The following NFS1 variants were observed in gnomAD, a reference collection of about 807,000 sequenced individuals.
NFS1 encodes cysteine desulfurase.
In NFS1, 26 loss-of-function variants were observed where a neutral mutation model predicts 57.3. The ratio of observed to expected loss-of-function variants is 0.45; its 90% CI spans 0.33 to 0.63. The LOEUF (loss-of-function observed/expected upper bound fraction) is 0.63, where lower values mean the gene tolerates loss of function less well. Among genes scored for constraint, NFS1 ranks in the 20% least tolerant of loss-of-function variants. NFS1 has a pLI of 0.02. For missense variants in NFS1, 505 were observed against 605.8 expected, an observed-to-expected ratio of 0.83 and a Z score of 1.75; for synonymous variants, 209 against 216.3, an observed-to-expected ratio of 0.97 and a Z score of 0.30.
chr20:35,677,943 G>A (rs539229344), intron 7 of NFS1, among the ~76,000 whole-genome samples: 3 of 151,820 alleles, frequency 2.0e-5, no homozygotes, highest in South Asian at 2.1e-4. Context: ...GGCCGGGCAC[G>A]GGATTACGCC....
rs191443355 is a variant in NFS1, at chr20:35,671,981, C to T, written c.1310+774G>A. 1.7e-3 allele frequency among the ~76,000 whole-genome samples: 255 copies of T among 151,974 alleles called. 1 individual carries two copies. Among genetic ancestry groups the T allele is most frequent in the Non-Finnish European group, 9.6e-4 (65 of 67,992 alleles). On this transcript the variant is annotated intron_variant, in intron 12 of 12. Transcript: ENST00000374092. ...TGTTTTTGTTTTTGTTTTCTTGAGACGGAGTCTCACTCTGTCACCCAGGCT... is the reference window on the plus strand; with the variant it reads ...TGTTTTTGTTTTTGTTTTCTTGAGATGGAGTCTCACTCTGTCACCCAGGCT...
chr20:35,686,245 A>C (rs933057409), intron 5 of NFS1, among the ~76,000 whole-genome samples: 8 of 149,614 alleles, frequency 5.3e-5, no homozygotes. Context: ...AGCTACTCAG[A>C]AGGCTGAGGC....
intron 5 of NFS1, among the ~76,000 whole-genome samples, chr20:35,687,159 C>G (rs2034959199): frequency 6.6e-6 from 1 of 152,154 alleles, no homozygotes; most frequent in Admixed American, 6.5e-5. Flanking sequence ...GGGAATCCCC[C>G]TTTCCCCGGG....
intron 5 of NFS1, among the ~76,000 whole-genome samples, chr20:35,688,510 T>C (rs979253619): frequency 1.8e-4 from 27 of 152,044 alleles, no homozygotes; most frequent in Non-Finnish European, 1.2e-4. Context: ...TGAGCCAAGA[T>C]CGTGCCACTG....
intron 4 of NFS1, chr20:35,692,449 C>T (rs1473669412): frequency 6.6e-6 from 1 of 150,854 alleles, no homozygotes; most frequent in Non-Finnish European, 1.4e-5. Context: ...CCTATAATCC[C>T]ACCACTTTGG....
intron 2 of NFS1, among the ~76,000 whole-genome samples, 171 bp from the exon 3 acceptor site, chr20:35,697,971 C>T (rs550779408): frequency 2.7e-4 from 41 of 152,164 alleles, no homozygotes; most frequent in Non-Finnish European, 5.1e-4. Flanking sequence ...CAAATATCAA[C>T]CTAATACACT....
rs768296304 is a variant in NFS1 at position 35,696,369 on chromosome 20, T to C, written c.408+8A>G. On this transcript the variant is annotated splice_region_variant and intron_variant, in intron 4 of 12. Transcript: ENST00000374092. ...GCCCACATACACCCTCTGGTTCCCTTCTCTTACCTTAATTGCTATGTTGTT... is the reference window on the plus strand; with the variant it reads ...GCCCACATACACCCTCTGGTTCCCTCCTCTTACCTTAATTGCTATGTTGTT... The C allele has an allele frequency of 8.7e-6, 14 of 1,602,998 alleles. No homozygotes were observed. The Admixed American group carries it at 1.8e-4, about 21-fold the overall frequency.
At chr20:35,678,790 T>C (rs1016188992) in intron 7 of NFS1, among the ~76,000 whole-genome samples, 1 of 150,946 alleles carries the variant, frequency 6.6e-6, no homozygotes, top group Admixed American at 6.6e-5. Context: ...GCCCAGGAGA[T>C]TGAAGCTGTG....
At chr20:35,683,790 C>CAAAAAAAAAAAAA (rs151037025) in intron 5 of NFS1, among the ~76,000 whole-genome samples, 1 of 54,026 alleles carries the variant, frequency 1.9e-5, no homozygotes, top group Non-Finnish European at 3.8e-5. Context: ...GACTCCATCT[C>CAAAAAAAAAAAAA]AAAAAAAAAA....
At chr20:35,698,271 G>A (rs2035174979) in intron 2 of NFS1, among the ~76,000 whole-genome samples, 1 of 152,256 alleles carries the variant, frequency 6.6e-6, no homozygotes, top group African/African-American at 2.4e-5. Flanking sequence ...TATAGAGCCT[G>A]CGCTGAAGTG....
intron 4 of NFS1, among the ~76,000 whole-genome samples, chr20:35,691,733 C>T (rs1235594328): frequency 1.3e-5 from 1 of 77,936 alleles, no homozygotes; most frequent in East Asian, 4.2e-4. Context: ...AGCGAGACTG[C>T]ATCTCAAAAA....
chr20:35,679,377 G>A (rs1441506813), intron 7 of NFS1, among the ~76,000 whole-genome samples: 1 of 151,954 alleles, frequency 6.6e-6, no homozygotes, highest in African/African-American at 2.4e-5. Context: ...AGAGACGGGG[G>A]TTCACCATGT....
At chr20:35,673,479 G>A (rs954793614) in intron 11 of NFS1, 122 bp downstream of exon 11, 2 of 740,962 alleles carry the variant, frequency 2.7e-6, no homozygotes, top group Non-Finnish European at 2.3e-6. Flanking sequence ...ACAAGGTTAT[G>A]AGAAGAGATA....
At chr20:35,687,183 G>T (rs1415835397) in intron 5 of NFS1, among the ~76,000 whole-genome samples, 1 of 152,116 alleles carries the variant, frequency 6.6e-6, no homozygotes, top group Non-Finnish European at 1.5e-5. Flanking sequence ...GTTTAGAGAA[G>T]ACTCTACTCC....
chr20:35,696,526 G>A lies in NFS1; in HGVS notation c.325-66C>T. On this transcript the variant is annotated intron_variant, in intron 3 of 12. Transcript: ENST00000374092. The stretch of plus-strand genomic sequence containing the variant: ...AGGCAGAAATAGAGCTGCAGACACA[G>A]GTGGGACAGCCCTGGAGCAAGAAGA... 8.0e-6 allele frequency: 10 copies of A among 1,243,250 alleles called. 1 individual carries two copies. 77.0% of individuals were successfully genotyped at this position (1,243,250 alleles called of 1,614,324 possible). A position where few individuals can be genotyped will look rare whatever the true frequency, so the allele number is the denominator to read the frequency against.
intron 6 of NFS1, among the ~76,000 whole-genome samples, chr20:35,681,145 A>G (rs1300028416): frequency 2.0e-5 from 3 of 152,012 alleles, no homozygotes; most frequent in African/African-American, 7.3e-5. Flanking sequence ...TTATGCATAC[A>G]ATTCTCACCA....
Position 35,680,821 on chromosome 20 carries a change from C to T in NFS1, c.706G>A (p.Ala236Thr). 6.3e-7 allele frequency: 1 copy of T among 1,582,428 alleles called. No individual in the cohort carries two copies. Among genetic ancestry groups the T allele is most frequent in the South Asian group, 1.2e-5 (1 of 84,240 alleles). ...KVYFHTDAAQ[A>T]VGKIPLDVND... is the part of the protein sequence containing the mutation. Reference sequence around the variant, plus strand: ...ACATCAAGTGGGATTTTTCCAACAGCCTGGGCTGCATCAGTATGGAAATAT... The same window carrying T: ...ACATCAAGTGGGATTTTTCCAACAGTCTGGGCTGCATCAGTATGGAAATAT... Residue 236 changes from alanine to threonine, a missense_variant, in exon 7 of 13, where the codon GCT becomes ACT. Ala to Thr is a moderately conservative substitution (Grantham distance 58, BLOSUM62 0). Coordinates refer to ENST00000374092, the MANE Select transcript of NFS1 (RefSeq NM_021100.5).
At chr20:35,678,559 A>C (rs538135102) in intron 7 of NFS1, among the ~76,000 whole-genome samples, 107 of 148,896 alleles carry the variant, frequency 7.2e-4, no homozygotes, top group African/African-American at 2.5e-3. Flanking sequence ...TTAGCCAGGC[A>C]TGGCCGGGCA....
chr20:35,691,860 C>A (rs532393428), intron 4 of NFS1, among the ~76,000 whole-genome samples: 1 of 150,776 alleles, frequency 6.6e-6, no homozygotes, highest in Non-Finnish European at 1.5e-5. Flanking sequence ...ACCAGCCTGA[C>A]GAACATGGTG....
Sources: gnomAD v4.1 joint callset for allele counts (sites outside exome capture counted in the v4.1 genomes callset) on GRCh38, gnomAD v4.1.1 for gene constraint, MANE v1.5 for transcripts, NCBI Gene and HGNC (gene_info 2026-07-23, HGNC 2026-07-21) for gene names.